MYO5B: variants seen among roughly 807,000 people sequenced by gnomAD.
The protein encoded by MYO5B is myosin VB.
Under a neutral mutation model 229.3 loss-of-function variants are expected in MYO5B, and 143 were observed. That is an observed-to-expected ratio of 0.62 (90% CI 0.54 to 0.72). The LOEUF is 0.72. MYO5B is among the 30% of genes least tolerant of loss of function. The pLI is 0.00. For synonymous variants in MYO5B, 918 were observed against 885.2 expected, an observed-to-expected ratio of 1.04 and a Z score of -0.66; for missense variants, 2,321 against 2,331.0, an observed-to-expected ratio of 1.00 and a Z score of 0.09.
At chr18:49,855,342 T>C (rs553263) in intron 30 of MYO5B, among the ~76,000 whole-genome samples, 99,794 of 152,074 alleles carry the variant, frequency 0.66, 33,048 homozygotes, top group Admixed American at 0.77. Flanking sequence ...CAAAAGAGCT[T>C]TGAGGCCACG....
At chr18:50,176,922 G>T (rs1428990122) in intron 1 of MYO5B, among the ~76,000 whole-genome samples, 1 of 152,132 alleles carries the variant, frequency 6.6e-6, no homozygotes, top group Non-Finnish European at 1.5e-5. Context: ...TGTATTTATG[G>T]TTACATCTGA....
chr18:49,896,315 C>A (rs1419030985), intron 21 of MYO5B, among the ~76,000 whole-genome samples: 2 of 152,180 alleles, frequency 1.3e-5, no homozygotes, highest in Non-Finnish European at 2.9e-5. Context: ...CCAGTTACAA[C>A]CTGACACACC....
Position 50,036,977 on chromosome 18 carries a change from T to C in MYO5B, c.328A>G (p.Ile110Val). ...ATTGGCAACTGTTCATAAGGATTAA[T>C]GGCAACAAGTACGATACCTGCAAAC... Reference protein sequence around the residue: ...YTYCGIVLVAINPYEQLPIYG... With the variant: ...YTYCGIVLVAVNPYEQLPIYG... Residue 110 changes from isoleucine to valine, a missense_variant, in exon 4 of 40, where the codon ATT (isoleucine) becomes GTT (valine). Transcript: ENST00000285039. The C allele has an allele frequency of 6.2e-7, 1 of 1,614,152 alleles. No individual in the cohort carries two copies. The highest frequency in any genetic ancestry group is 1.1e-5 in the South Asian group (1 of 91,080).
chr18:50,013,457 T>TA (rs1211366958), intron 4 of MYO5B, among the ~76,000 whole-genome samples: 8 of 152,300 alleles, frequency 5.3e-5, no homozygotes, highest in African/African-American at 1.9e-4. Context: ...AAACGACACT[T>TA]ATGTCAAGCA....
chr18:49,885,069 T>G (rs2024628153), intron 22 of MYO5B, among the ~76,000 whole-genome samples: 1 of 152,194 alleles, frequency 6.6e-6, no homozygotes, highest in African/African-American at 2.4e-5. Context: ...GAAAACACTC[T>G]GGCAATTCCT....
chr18:50,013,518 G>C (rs918866027), intron 4 of MYO5B, among the ~76,000 whole-genome samples: 6 of 152,336 alleles, frequency 3.9e-5, no homozygotes, highest in Non-Finnish European at 7.3e-5. Flanking sequence ...GCCCTCTTGA[G>C]AGAATTACAG....
At chr18:50,177,741 G>T (rs1308508301) in intron 1 of MYO5B, among the ~76,000 whole-genome samples, 1 of 152,354 alleles carries the variant, frequency 6.6e-6, no homozygotes, top group East Asian at 1.9e-4. Context: ...TCTAGACAGA[G>T]CATTCAGTCC....
intron 14 of MYO5B, among the ~76,000 whole-genome samples, chr18:49,944,430 G>A (rs1172433229): frequency 6.6e-6 from 1 of 152,092 alleles, no homozygotes; most frequent in East Asian, 1.9e-4. Flanking sequence ...CCTGTCCTGG[G>A]TGCCTAGAGG....
chr18:49,864,935 C>T (rs1223617888), intron 27 of MYO5B, among the ~76,000 whole-genome samples: 1 of 152,184 alleles, frequency 6.6e-6, no homozygotes, highest in Non-Finnish European at 1.5e-5. Context: ...CCAACTGTCC[C>T]TGTCAGCAGA....
intron 25 of MYO5B, 93 bp from the exon 26 acceptor site, chr18:49,875,920 T>C: frequency 2.1e-6 from 3 of 1,404,608 alleles, no homozygotes; most frequent in African/African-American, 1.4e-5. Flanking sequence ...ATATCAGCCA[T>C]CTGTCTCCTC....
intron 18 of MYO5B, among the ~76,000 whole-genome samples, chr18:49,907,209 G>A (rs575446744): frequency 5.6e-4 from 85 of 152,266 alleles, no homozygotes; most frequent in African/African-American, 1.7e-3. Flanking sequence ...CAAAGGCCTC[G>A]TAGGTTGCAG....
intron 2 of MYO5B, among the ~76,000 whole-genome samples, chr18:50,045,538 T>G (rs1001833222): frequency 4.6e-5 from 7 of 152,232 alleles, no homozygotes; most frequent in Admixed American, 3.9e-4. Flanking sequence ...GGACTACAGT[T>G]ATGTGCCATC....
At chr18:50,066,307 A>G (rs1425597490) in intron 1 of MYO5B, among the ~76,000 whole-genome samples, 2 of 152,092 alleles carry the variant, frequency 1.3e-5, no homozygotes, top group Non-Finnish European at 2.9e-5. Context: ...CCCCATACAA[A>G]CTGTCTTTGA....
chr18:49,985,257 C>A (rs17728590), intron 7 of MYO5B, among the ~76,000 whole-genome samples: 2 of 152,054 alleles, frequency 1.3e-5, no homozygotes, highest in African/African-American at 2.4e-5. Flanking sequence ...GTGATGTGCC[C>A]GAGGTGACAG....
chr18:49,880,296 T>C, intron 23 of MYO5B, 75 bp downstream of exon 23: 2 of 1,255,960 alleles, frequency 1.6e-6, no homozygotes, highest in Non-Finnish European at 1.2e-6. Flanking sequence ...GCATGCTTGC[T>C]AGGAGTCTTT....
At position 49,823,329 on chromosome 18, in the gene MYO5B, A is replaced by T. The variant is rs1208134901; in HGVS notation, c.*3142T>A. On this transcript the variant is annotated 3_prime_UTR_variant, in exon 40 of 40. Transcript: ENST00000285039. ...AGAAACTGACCACAAATATTCTGTGAAGAACTACAAGGTCTTGCCCCATGC... is the reference window on the plus strand; with the variant it reads ...AGAAACTGACCACAAATATTCTGTGTAGAACTACAAGGTCTTGCCCCATGC... The T allele has an allele frequency of 6.6e-6, 1 of 152,290 alleles. No homozygotes were observed. Among genetic ancestry groups the T allele is most frequent in the Non-Finnish European group, 1.5e-5 (1 of 68,048 alleles). 9.4% of individuals were successfully genotyped at this position (152,290 alleles called of 1,614,324 possible).
In MYO5B at chr18:49,974,547, C is replaced by T. The variant is rs121908104; in HGVS notation, c.1125G>A (p.Trp375Ter). ...LGVEHSQMEH[W>*]LCHRKLVTTS... ...TGGTGACCAGCTTGCGATGACACAGCCAGTGCTCCATCTGACTGTGCTCCA... is the reference window on the plus strand; with the variant it reads ...TGGTGACCAGCTTGCGATGACACAGTCAGTGCTCCATCTGACTGTGCTCCA... Residue 375 changes from tryptophan to a stop codon, truncating the protein, a stop_gained, in exon 10 of 40, where the codon TGG (tryptophan) becomes TGA (stop). Coordinates refer to ENST00000285039, the MANE Select transcript of MYO5B (RefSeq NM_001080467.3). LOFTEE classifies it high-confidence loss of function. 1.3e-5 allele frequency: 21 copies of T among 1,613,988 alleles called. No individual in the cohort carries two copies. The highest frequency in any genetic ancestry group is 1.6e-5 in the Non-Finnish European group (19 of 1,180,008).
At chr18:50,030,993 G>C (rs1056660590) in intron 4 of MYO5B, among the ~76,000 whole-genome samples, 1 of 148,546 alleles carries the variant, frequency 6.7e-6, no homozygotes, top group African/African-American at 2.5e-5. Context: ...CCACCAACAA[G>C]GCTGGAAAAC....
At chr18:49,957,142 C>CAAAAAAAAAAAAAAAAAA (rs71169467) in intron 12 of MYO5B, among the ~76,000 whole-genome samples, 8 of 58,682 alleles carry the variant, frequency 1.4e-4, no homozygotes, top group Admixed American at 4.5e-4. Context: ...AATAAAGTAG[C>CAAAAAAAAAAAAAAAAAA]AAAAAAAAAA....
Sources: gnomAD v4.1 joint callset for allele counts (sites outside exome capture counted in the v4.1 genomes callset) on GRCh38, gnomAD v4.1.1 for gene constraint, MANE v1.5 for transcripts, NCBI Gene and HGNC (gene_info 2026-07-23, HGNC 2026-07-21) for gene names.